CLSTN3: variants seen among roughly 807,000 people sequenced by gnomAD.
CLSTN3 encodes the protein calsyntenin-3.
A neutral mutation model predicts 95.9 loss-of-function variants in CLSTN3; 36 were observed. The observed-to-expected ratio is 0.38, with a 90% CI of 0.29 to 0.50. The LOEUF is 0.50. CLSTN3 is among the 20% of genes least tolerant of loss of function. CLSTN3 has a pLI of 0.95. For missense variants in CLSTN3, 1,084 were observed against 1,268.8 expected (o/e 0.85, Z 2.21); for synonymous variants, 481 against 504.0 (o/e 0.95, Z 0.61).
At chr12:7,154,267 T>C (rs1939780267) in intron 16 of CLSTN3, among the ~76,000 whole-genome samples, 2 of 152,202 alleles carry the variant, frequency 1.3e-5, no homozygotes, top group South Asian at 2.1e-4. Flanking sequence ...ATTCTAAACA[T>C]GCAGAAGCAG....
Position 7,141,493 on chromosome 12 carries a change from G to A in CLSTN3, c.1486+89G>A. The A allele has an allele frequency of 1.5e-6, 2 of 1,374,312 alleles. No homozygotes were observed. Among genetic ancestry groups the A allele is most frequent in the Non-Finnish European group, 2.1e-6 (2 of 966,034 alleles). 85.1% of individuals were successfully genotyped at this position (1,374,312 alleles called of 1,614,324 possible). ...GCAAGGGCAGTCTGACCCAGCAGCT[G>A]AGGCCGCCTCCTGCATCTCTCTGCA... On this transcript the variant is annotated intron_variant, in intron 9 of 17. Transcript: ENST00000266546. The surrounding 1 kb of genome is among the most constrained non-coding windows in gnomAD (Gnocchi z 4.1).
chr12:7,152,372 A>G (rs1939738559), intron 16 of CLSTN3, among the ~76,000 whole-genome samples: 1 of 152,226 alleles, frequency 6.6e-6, no homozygotes, highest in African/African-American at 2.4e-5. Context: ...TTTTTTGGAC[A>G]TAACTTGCTT....
At chr12:7,156,444 C>T (rs1483410013) in intron 16 of CLSTN3, 11 of 456,772 alleles carry the variant, frequency 2.4e-5, no homozygotes, top group Non-Finnish European at 4.8e-5. Context: ...CAGGGGGTTG[C>T]CTGGTCTGCC....
chr12:7,145,587 T>A (rs1411218582), intron 12 of CLSTN3, among the ~76,000 whole-genome samples: 3 of 152,164 alleles, frequency 2.0e-5, no homozygotes, highest in Non-Finnish European at 2.9e-5. Flanking sequence ...GTATTTTTCT[T>A]GGAAAGCCCA....
intron 12 of CLSTN3, among the ~76,000 whole-genome samples, chr12:7,148,227 G>A (rs1431616563): frequency 6.7e-6 from 1 of 150,176 alleles, no homozygotes; most frequent in Admixed American, 6.6e-5. Flanking sequence ...GTGGGAAAAT[G>A]CTTCATAAAC....
Position 7,157,537 on chromosome 12 carries a change from T to C in CLSTN3, c.2576T>C (p.Leu859Pro), listed in dbSNP as rs773942835. The C allele has an allele frequency of 6.2e-7, 1 of 1,610,228 alleles. No individual in the cohort carries two copies. The highest frequency in any genetic ancestry group is 1.3e-5 in the African/African-American group (1 of 74,738). ...ATCATTGTGGTGTGCGTGGGCTTCC[T>C]GGTGCTCATGGTCGTCCTGGGCCTG... ...TLIIVVCVGF[L>P]VLMVVLGLVR... The change falls in exon 17 of 18, where the codon CTG becomes CCG. Residue 859 changes from leucine to proline, a missense_variant. Physicochemically the swap from Leu to Pro is moderately conservative, Grantham distance 98. Coordinates refer to ENST00000266546, the MANE Select transcript of CLSTN3 (RefSeq NM_014718.4). This position sits in a 1 kb window ranked among gnomAD's most constrained non-coding sequence, Gnocchi z 5.9.
Position 7,143,289 on chromosome 12 carries a change from C to G in CLSTN3, c.1825C>G (p.Leu609Val). 1 of 1,610,428 alleles carries G rather than the reference C, an allele frequency of 6.2e-7. No individual in the cohort carries two copies. The highest frequency in any genetic ancestry group is 8.5e-7 in the Non-Finnish European group (1 of 1,179,918). ...CTTTGCCACGCCCGGCGTCAGGCCC[C>G]TGCGCCTCACCACTGCTGTCAAGTG... is the stretch of plus-strand genomic sequence containing the variant. ...LRFATPGVRPLRLTTAVKCFS... is the reference protein window; with the variant it reads ...LRFATPGVRPVRLTTAVKCFS... Residue 609 changes from leucine (L) to valine (V), a missense_variant, in exon 12 of 18, where the codon CTG becomes GTG. Transcript: ENST00000266546.
At position 7,158,565 on chromosome 12, in the gene CLSTN3, AC is replaced by A. The variant is rs1939863758; in HGVS notation, c.*486del. The stretch of plus-strand genomic sequence containing the variant: ...TCCCTGCTTCTCTTATGATCGCCCC[AC>A]CTCATTTCCATTTCAGTCTGGGGAC... On this transcript the variant is annotated 3_prime_UTR_variant, in exon 18 of 18. Coordinates refer to ENST00000266546, the MANE Select transcript of CLSTN3 (RefSeq NM_014718.4). 1 of 152,266 alleles carries A rather than the reference AC, an allele frequency of 6.6e-6. No individual in the cohort carries two copies. Among genetic ancestry groups the A allele is most frequent in the African/African-American group, 2.4e-5 (1 of 41,262 alleles). The allele number at this position is 152,266 out of a possible 1,614,324, so 9.4% of individuals were successfully genotyped here.
intron 16 of CLSTN3, chr12:7,156,614 G>A (rs1466110285): frequency 2.6e-5 from 12 of 456,522 alleles, no homozygotes; most frequent in South Asian, 4.6e-5. Context: ...GGTGTGGGGC[G>A]TGGCAACCTT....
rs781731281 is a variant in CLSTN3 at position 7,136,834 on chromosome 12, G to T, written c.934G>T (p.Ala312Ser). The change falls in exon 7 of 18, where the codon GCC (alanine) becomes TCC (serine). Residue 312 changes from alanine (A) to serine (S), a missense_variant. By Grantham distance (99) the Ala-to-Ser change is moderately conservative. Coordinates refer to ENST00000266546, the MANE Select transcript of CLSTN3 (RefSeq NM_014718.4). ...ERALRKLCGA[A>S]TGEVDLLPMP... is the part of the protein sequence containing the mutation. ...GCCTCCTGGGGCTCCCACAGGTGCT[G>T]CCACTGGGGAGGTGGATCTGTTGCC... 2 of 1,613,602 alleles carry T rather than the reference G, an allele frequency of 1.2e-6. No individual in the cohort carries two copies. The highest frequency in any genetic ancestry group is 1.7e-6 in the Non-Finnish European group (2 of 1,179,548).
Position 7,141,218 on chromosome 12 carries a change from C to T in CLSTN3, c.1324-24C>T. 1.9e-6 allele frequency: 3 copies of T among 1,608,660 alleles called. No homozygotes were observed. Among genetic ancestry groups the T allele is most frequent in the Non-Finnish European group, 2.5e-6 (3 of 1,176,890 alleles). ...CTGAAGACGAATTACCTGAGAGGCTCTTGCCCCTACCCTACTCTCCCAGGT... is the reference window on the plus strand; with the variant it reads ...CTGAAGACGAATTACCTGAGAGGCTTTTGCCCCTACCCTACTCTCCCAGGT... On this transcript the variant is annotated intron_variant, in intron 8 of 17. Transcript: ENST00000266546. The surrounding 1 kb of genome is among the most constrained non-coding windows in gnomAD (Gnocchi z 4.1).
intron 16 of CLSTN3, among the ~76,000 whole-genome samples, chr12:7,152,061 A>G: frequency 6.6e-6 from 1 of 150,872 alleles, no homozygotes; most frequent in East Asian, 1.9e-4. Flanking sequence ...CTCAAAGGAA[A>G]AAAAAAAAAA....
chr12:7,156,211 G>A (rs1370210077), intron 16 of CLSTN3: 6 of 453,300 alleles, frequency 1.3e-5, no homozygotes, highest in Non-Finnish European at 2.7e-5. Context: ...CACCCATGTG[G>A]GGAGTAGTGA....
Position 7,135,338 on chromosome 12 carries a change from A to G in CLSTN3, c.395A>G (p.His132Arg), listed in dbSNP as rs750591063. ...NTKKSHKATVHVRVNDVNEFA... is the reference protein window; with the variant it reads ...NTKKSHKATVRVRVNDVNEFA... ...TCTGGCATATGCAGGGCCACTGTGC[A>G]TGTGCGGGTCAACGATGTGAACGAG... Residue 132 changes from histidine to arginine, a missense_variant, in exon 4 of 18, where the codon CAT (histidine) becomes CGT (arginine). His to Arg is a conservative substitution (Grantham distance 29). Transcript: ENST00000266546. 2.5e-6 allele frequency: 4 copies of G among 1,613,986 alleles called. No individual in the cohort carries two copies. The highest frequency in any genetic ancestry group is 3.4e-6 in the Non-Finnish European group (4 of 1,179,958).
chr12:7,141,309 A>G lies in CLSTN3; in HGVS notation c.1391A>G (p.Asp464Gly), dbSNP rs772308702. ...TTCCCCACAGTCACACTCTATACCG[A>G]CGGCATCTCCTTCGACCCTGCCCTC... ...LEFPTVTLYT[D>G]GISFDPALIH... The change falls in exon 9 of 18, where the codon GAC (aspartate) becomes GGC (glycine). Residue 464 changes from aspartate (D) to glycine (G), a missense_variant. Asp to Gly is a moderately conservative substitution (Grantham distance 94). Coordinates refer to ENST00000266546, the MANE Select transcript of CLSTN3 (RefSeq NM_014718.4). The surrounding 1 kb of genome is among the most constrained non-coding windows in gnomAD (Gnocchi z 4.1). The G allele has an allele frequency of 6.2e-7, 1 of 1,614,072 alleles. No homozygotes were observed. Among genetic ancestry groups the G allele is most frequent in the East Asian group, 2.2e-5 (1 of 44,876 alleles).
chr12:7,130,359 T>G, upstream of CLSTN3: 3 of 1,268,286 alleles, frequency 2.4e-6, no homozygotes, highest in East Asian at 4.0e-5. Context: ...GTTGCCCGGC[T>G]GTGCTGACGT....
At chr12:7,135,743 C>A in intron 4 of CLSTN3, 61 bp from the exon 5 acceptor site, 2 of 1,536,726 alleles carry the variant, frequency 1.3e-6, no homozygotes, top group Non-Finnish European at 1.8e-6. Flanking sequence ...AGACATCCTC[C>A]CCTCCCTGCC....
chr12:7,150,571 A>G lies in CLSTN3; in HGVS notation c.2273A>G (p.Glu758Gly). ...AGVESITVYE[E>G]ILRQARYRLR... ...GTGGAGAGCATCACTGTGTATGAAG[A>G]GATCCTGAGGCAGGCTCGTTATCGG... Residue 758 changes from glutamate (E) to glycine (G), a missense_variant, in exon 15 of 18, where the codon GAG becomes GGG. Coordinates refer to ENST00000266546, the MANE Select transcript of CLSTN3 (RefSeq NM_014718.4). The surrounding 1 kb of genome is among the most constrained non-coding windows in gnomAD (Gnocchi z 4.0). The G allele has an allele frequency of 6.2e-7, 1 of 1,613,918 alleles. No individual in the cohort carries two copies. Among genetic ancestry groups the G allele is most frequent in the Non-Finnish European group, 8.5e-7 (1 of 1,179,876 alleles).
chr12:7,150,698 A>G lies in CLSTN3; in HGVS notation c.2391+9A>G, dbSNP rs765176697. On this transcript the variant is annotated intron_variant, in intron 15 of 17. Transcript: ENST00000266546. The surrounding 1 kb of genome is among the most constrained non-coding windows in gnomAD (Gnocchi z 4.0). ...ATGAATTCATCGTGGAGGTACCCAGAGAGTCTCCTTCCTTCCACAGTTACC... is the reference window on the plus strand; with the variant it reads ...ATGAATTCATCGTGGAGGTACCCAGGGAGTCTCCTTCCTTCCACAGTTACC... 6.2e-7 allele frequency: 1 copy of G among 1,611,532 alleles called. No individual in the cohort carries two copies. Among genetic ancestry groups the G allele is most frequent in the Non-Finnish European group, 8.5e-7 (1 of 1,177,798 alleles).
Sources: gnomAD v4.1 joint callset for allele counts (sites outside exome capture counted in the v4.1 genomes callset) on GRCh38, gnomAD v4.1.1 for gene constraint, Gnocchi (gnomAD v3.1) non-coding constraint, MANE v1.5 for transcripts, NCBI Gene and HGNC (gene_info 2026-07-23, HGNC 2026-07-21) for gene names.